Variants in AKAP6 observed in about 807,000 individuals in gnomAD.
The protein encoded by AKAP6 is A-kinase anchoring protein 6, also known as A-kinase anchor protein 6.
AKAP6 carries 58 observed loss-of-function variants against 188.5 expected under a neutral mutation model. The ratio of observed to expected loss-of-function variants is 0.31; its 90% confidence interval spans 0.25 to 0.38. The LOEUF (loss-of-function observed/expected upper bound fraction) is 0.38, where lower values mean the gene tolerates loss of function less well. AKAP6 is among the 10% of genes least tolerant of loss of function. The probability of loss-of-function intolerance (pLI) is 1.00; values close to 1 mark genes in which losing one functional copy is unlikely to be tolerated. For synonymous variants in AKAP6, 989 were observed against 998.6 expected, an observed-to-expected ratio of 0.99 and a Z score of 0.18; for missense variants, 2,710 against 2,740.0, an observed-to-expected ratio of 0.99 and a Z score of 0.24.
intron 7 of AKAP6, among the ~76,000 whole-genome samples, chr14:32,675,373 A>G (rs1889383880): frequency 1.3e-5 from 2 of 152,210 alleles, no homozygotes; most frequent in South Asian, 2.1e-4. Context: ...TAATCATGCT[A>G]AGTTTCCATG....
intron 11 of AKAP6, among the ~76,000 whole-genome samples, chr14:32,763,491 C>CA (rs1472642104): frequency 6.6e-6 from 1 of 151,990 alleles, no homozygotes; most frequent in Non-Finnish European, 1.5e-5. Context: ...AATCTATGAG[C>CA]AAAACTATTT....
chr14:32,822,927 T>A lies in AKAP6; in HGVS notation c.5114T>A (p.Val1705Glu). 6.2e-7 allele frequency: 1 copy of A among 1,613,908 alleles called. No homozygotes were observed. The highest frequency in any genetic ancestry group is 1.1e-5 in the South Asian group (1 of 91,082). The change falls in exon 13 of 14, where the codon GTG becomes GAG. Residue 1705 changes from valine to glutamate, a missense_variant. Val to Glu is a moderately radical substitution (Grantham distance 121). Transcript: ENST00000280979. Reference protein sequence around the residue: ...DELSLCSEDIVLHKNKIPESN... With the variant: ...DELSLCSEDIELHKNKIPESN... ...CTCTCTCTTTGCTCAGAGGATATTG[T>A]GTTACACAAGAACAAGATCCCGGAA...
chr14:32,724,356 T>A (rs1221905656), intron 9 of AKAP6, among the ~76,000 whole-genome samples: 1 of 152,184 alleles, frequency 6.6e-6, no homozygotes, highest in Middle Eastern at 3.2e-3. Context: ...AAACTCTCCG[T>A]GCTTCTAAAT....
intron 12 of AKAP6, among the ~76,000 whole-genome samples, chr14:32,814,003 A>G (rs760118842): frequency 6.6e-6 from 1 of 151,874 alleles, no homozygotes; most frequent in Non-Finnish European, 1.5e-5. Flanking sequence ...GGTTTCTCCA[A>G]TTGTGTTCTC....
At chr14:32,778,573 G>T (rs2033140561) in intron 12 of AKAP6, among the ~76,000 whole-genome samples, 1 of 151,998 alleles carries the variant, frequency 6.6e-6, no homozygotes, top group African/African-American at 2.4e-5. Flanking sequence ...TAGATACGGG[G>T]TCTTACTCTG....
At chr14:32,732,768 T>C in intron 10 of AKAP6, 168 bp downstream of exon 10, 1 of 796,420 alleles carries the variant, frequency 1.3e-6, no homozygotes, top group South Asian at 1.8e-5. Context: ...GCTTTTCCTC[T>C]TCTGTTGATT....
chr14:32,588,299 T>C (rs1239101723), intron 5 of AKAP6, among the ~76,000 whole-genome samples: 1 of 152,232 alleles, frequency 6.6e-6, no homozygotes, highest in Non-Finnish European at 1.5e-5. Context: ...AATATTTTAT[T>C]GTGTGGATAT....
At chr14:32,606,273 T>C (rs1886122947) in intron 7 of AKAP6, among the ~76,000 whole-genome samples, 1 of 152,146 alleles carries the variant, frequency 6.6e-6, no homozygotes, top group Non-Finnish European at 1.5e-5. Context: ...TTTAATGGTC[T>C]ACAGCTGGAG....
At chr14:32,742,141 G>A (rs1345049874) in intron 11 of AKAP6, among the ~76,000 whole-genome samples, 7 of 151,492 alleles carry the variant, frequency 4.6e-5, no homozygotes, top group African/African-American at 1.7e-4. Context: ...TTTCTTCTAG[G>A]TTCTCCAATT....
chr14:32,382,853 G>A (rs946672302), intron 1 of AKAP6, among the ~76,000 whole-genome samples: 1 of 152,156 alleles, frequency 6.6e-6, no homozygotes, highest in African/African-American at 2.4e-5. Context: ...TGGAATAGGA[G>A]AGATGTGGTA....
intron 7 of AKAP6, among the ~76,000 whole-genome samples, chr14:32,671,526 A>AT (rs907971145): frequency 9.2e-5 from 14 of 151,578 alleles, no homozygotes; most frequent in East Asian, 3.9e-4. Context: ...AAACAACGGC[A>AT]TTTTTTGGGC....
Position 32,823,888 on chromosome 14 carries a change from C to A in AKAP6, c.6075C>A (p.Asn2025Lys). ...GTTGTTGCCTAGCACTTGAACAAAA[C>A]GGAACAGAGGAAAATGCTTCTATCA... ...SAGCCLALEQNGTEENASISN... is the reference protein window; with the variant it reads ...SAGCCLALEQKGTEENASISN... The change falls in exon 13 of 14, where the codon AAC becomes AAA. Residue 2025 changes from asparagine (N) to lysine (K), a missense_variant. Around this residue, in one of 2 missense-constraint regions of AKAP6, gnomAD observed 2,473 missense variants for 2,426.1 expected, o/e 1.02. Coordinates refer to ENST00000280979, the MANE Select transcript of AKAP6 (RefSeq NM_004274.5). 6.2e-7 allele frequency: 1 copy of A among 1,613,808 alleles called. No individual in the cohort carries two copies. Among genetic ancestry groups the A allele is most frequent in the Admixed American group, 1.7e-5 (1 of 59,942 alleles).
intron 2 of AKAP6, among the ~76,000 whole-genome samples, chr14:32,436,168 A>G (rs1890372034): frequency 6.6e-6 from 1 of 152,174 alleles, no homozygotes; most frequent in South Asian, 2.1e-4. Context: ...CTACCTTGAT[A>G]AGTTACCCAA....
chr14:32,600,570 A>G (rs1245692275), intron 6 of AKAP6, 59 bp from the exon 7 acceptor site: 3 of 1,481,892 alleles, frequency 2.0e-6, no homozygotes, highest in Middle Eastern at 2.2e-4. Flanking sequence ...CTAAATAAAA[A>G]TAATGAGTAA....
At chr14:32,663,098 A>T (rs567733512) in intron 7 of AKAP6, among the ~76,000 whole-genome samples, 1 of 152,218 alleles carries the variant, frequency 6.6e-6, no homozygotes, top group African/African-American at 2.4e-5. Flanking sequence ...TACAACAATC[A>T]ATTACAATAA....
At chr14:32,698,258 G>A (rs1474642606) in intron 9 of AKAP6, among the ~76,000 whole-genome samples, 1 of 152,022 alleles carries the variant, frequency 6.6e-6, no homozygotes, top group African/African-American at 2.4e-5. Flanking sequence ...GGATTTCCAG[G>A]TTAAGTCAAC....
chr14:32,609,008 G>C (rs996401711), intron 7 of AKAP6, among the ~76,000 whole-genome samples: 1 of 152,190 alleles, frequency 6.6e-6, no homozygotes, highest in African/African-American at 2.4e-5. Flanking sequence ...ACCTCAGTGT[G>C]TGACTTACAC....
At chr14:32,716,629 T>C (rs2030218892) in intron 9 of AKAP6, among the ~76,000 whole-genome samples, 1 of 147,922 alleles carries the variant, frequency 6.8e-6, no homozygotes, top group Non-Finnish European at 1.5e-5. Context: ...ATCTACATTA[T>C]ATAATGTATA....
intron 12 of AKAP6, among the ~76,000 whole-genome samples, chr14:32,812,198 C>T (rs994470464): frequency 2.6e-5 from 4 of 152,138 alleles, no homozygotes; most frequent in Admixed American, 6.5e-5. Flanking sequence ...GTGGTTCTGT[C>T]ACTGTCATTC....
Sources: allele counts gnomAD v4.1 joint callset (sites outside exome capture counted in the v4.1 genomes callset), GRCh38; gene constraint gnomAD v4.1.1; regional missense constraint gnomAD v4.1.1; transcripts MANE v1.5; gene names NCBI Gene and HGNC (gene_info 2026-07-23, HGNC 2026-07-21).